Variants in DPYD observed in about 807,000 individuals in gnomAD.
The protein encoded by DPYD is dihydropyrimidine dehydrogenase.
In DPYD, 109 loss-of-function variants were observed where a neutral mutation model predicts 116.2. That is an observed-to-expected ratio of 0.94 (90% CI 0.80 to 1.10). The LOEUF is 1.10. Ranked by LOEUF, DPYD falls within the 50% of genes least tolerant of loss-of-function variation. DPYD has a pLI of 0.00. For missense variants in DPYD, 1,302 were observed against 1,254.5 expected (o/e 1.04, Z -0.57); for synonymous variants, 440 against 432.0 (o/e 1.02, Z -0.23).
intron 13 of DPYD, among the ~76,000 whole-genome samples, chr1:97,507,963 C>A (rs552706881): frequency 6.6e-6 from 1 of 151,952 alleles, no homozygotes; most frequent in Non-Finnish European, 1.5e-5. Context: ...GAAGAGCTGT[C>A]ATGTGGAATT....
intron 10 of DPYD, among the ~76,000 whole-genome samples, chr1:97,590,768 G>A (rs954792523): frequency 3.9e-5 from 6 of 152,096 alleles, no homozygotes; most frequent in Non-Finnish European, 7.4e-5. Context: ...CTGATCCTGT[G>A]CTTCTTGTAA....
intron 16 of DPYD, among the ~76,000 whole-genome samples, chr1:97,361,910 C>A (rs1395480803): frequency 6.6e-6 from 1 of 152,232 alleles, no homozygotes; most frequent in Non-Finnish European, 1.5e-5. Flanking sequence ...GGGATGCCCT[C>A]TCTCACCACT....
intron 13 of DPYD, among the ~76,000 whole-genome samples, chr1:97,497,919 A>C (rs1197538264): frequency 6.6e-6 from 1 of 151,836 alleles, no homozygotes; most frequent in Non-Finnish European, 1.5e-5. Context: ...AAGTAGAAAA[A>C]TACCCCATGA....
chr1:97,697,435 C>T (rs541821319), intron 6 of DPYD, among the ~76,000 whole-genome samples: 6 of 152,050 alleles, frequency 3.9e-5, no homozygotes, highest in Non-Finnish European at 8.8e-5. Context: ...GAGAGGCAGC[C>T]GTAAGTAGAA....
At chr1:97,318,021 A>G (rs1388433017) in intron 16 of DPYD, among the ~76,000 whole-genome samples, 1 of 150,618 alleles carries the variant, frequency 6.6e-6, no homozygotes, top group East Asian at 2.0e-4. Context: ...TTTATAGACA[A>G]GCAAATGCTG....
At chr1:97,407,637 A>C (rs1673740347) in intron 14 of DPYD, among the ~76,000 whole-genome samples, 1 of 152,126 alleles carries the variant, frequency 6.6e-6, no homozygotes, top group African/African-American at 2.4e-5. Context: ...GCTGGGGCAA[A>C]GTTCTCCAGA....
At position 97,232,546 on chromosome 1, in the gene DPYD, T is replaced by C. The variant is rs1269868538; in HGVS notation, c.2442+2306A>G. Among the ~76,000 whole-genome samples the C allele has an allele frequency of 2.6e-5, 4 of 152,174 alleles. No individual in the cohort carries two copies. In the South Asian group the frequency reaches 8.3e-4, roughly 31 times the overall value. On this transcript the variant is annotated intron_variant, in intron 19 of 22. Transcript: ENST00000370192. ...GACATTAGTGTTACATCTTTTGTTA[T>C]AGTCCCACAGTTCCCTGAGGGCTGT...
chr1:97,498,797 T>A (rs970343297), intron 13 of DPYD, among the ~76,000 whole-genome samples: 1 of 151,708 alleles, frequency 6.6e-6, no homozygotes, highest in Non-Finnish European at 1.5e-5. Context: ...ATATTTAACA[T>A]TTTTTGTGAT....
At position 97,899,916 on chromosome 1, in the gene DPYD, T is replaced by C. The variant is rs540967200; in HGVS notation, c.40-16542A>G. 3.2e-4 allele frequency among the ~76,000 whole-genome samples: 49 copies of C among 152,046 alleles called. No individual in the cohort carries two copies. In the South Asian group the frequency reaches 8.3e-3, roughly 26 times the overall value. ...GGATAGGCCTTGGGAATCAATCAGT[T>C]TAACAAATGTCTGTGGCAGACTTTG... On this transcript the variant is annotated intron_variant, in intron 1 of 22. Transcript: ENST00000370192.
At chr1:97,524,183 A>G (rs1296330891) in intron 12 of DPYD, among the ~76,000 whole-genome samples, 1 of 152,148 alleles carries the variant, frequency 6.6e-6, no homozygotes, top group Non-Finnish European at 1.5e-5. Flanking sequence ...GCAGGAATAT[A>G]GTCATTGGGG....
At chr1:97,387,887 T>C (rs2152878) in intron 14 of DPYD, among the ~76,000 whole-genome samples, 26,174 of 151,836 alleles carry the variant, frequency 0.17, 2,895 homozygotes, top group Non-Finnish European at 0.25. Context: ...CTGTGGGAGA[T>C]TGGGTTTTAT....
intron 3 of DPYD, among the ~76,000 whole-genome samples, chr1:97,779,744 T>A (rs1666628502): frequency 6.6e-6 from 1 of 152,058 alleles, no homozygotes; most frequent in African/African-American, 2.4e-5. Context: ...CCTGGTTGCA[T>A]CTTTTTTTTT....
intron 14 of DPYD, among the ~76,000 whole-genome samples, chr1:97,408,718 A>G (rs570610948): frequency 6.6e-6 from 1 of 152,242 alleles, no homozygotes; most frequent in Non-Finnish European, 1.5e-5. Flanking sequence ...GTGGACTGGT[A>G]GAGGCAGAGC....
chr1:97,215,442 G>A (rs75156255), intron 19 of DPYD, among the ~76,000 whole-genome samples: 3 of 152,062 alleles, frequency 2.0e-5, no homozygotes, highest in Non-Finnish European at 4.4e-5. Flanking sequence ...TATTATTTAT[G>A]ATTACAATAG....
intron 20 of DPYD, among the ~76,000 whole-genome samples, chr1:97,102,508 A>G (rs1279545404): frequency 1.8e-4 from 1 of 5,502 alleles, no homozygotes; most frequent in African/African-American, 7.3e-4. Flanking sequence ...CTTTATACCT[A>G]TTTCGTGTGT....
In DPYD at chr1:97,225,399, C is replaced by G. The variant is rs531643359; in HGVS notation, c.2442+9453G>C. Among the ~76,000 whole-genome samples, 232 of 151,946 alleles carry G rather than the reference C, an allele frequency of 1.5e-3. 1 individual carries two copies. The highest frequency in any genetic ancestry group is 5.2e-3 in the African/African-American group (214 of 41,490). On this transcript the variant is annotated intron_variant, in intron 19 of 22. Transcript: ENST00000370192. Reference sequence around the variant, plus strand: ...CTGTGCCATTTATGTCTCCTTTGGTCCATTATTTACTCAGGTTCTTTACTC... The same window carrying G: ...CTGTGCCATTTATGTCTCCTTTGGTGCATTATTTACTCAGGTTCTTTACTC...
At chr1:97,918,015 T>C (rs1440227497) in intron 1 of DPYD, among the ~76,000 whole-genome samples, 1 of 152,128 alleles carries the variant, frequency 6.6e-6, no homozygotes, top group Non-Finnish European at 1.5e-5. Context: ...CTAACCTTCT[T>C]TGAAACCATC....
intron 2 of DPYD, among the ~76,000 whole-genome samples, chr1:97,830,223 C>T (rs1669467995): frequency 6.6e-6 from 1 of 152,142 alleles, no homozygotes; most frequent in Non-Finnish European, 1.5e-5. Flanking sequence ...GTGTATCCTA[C>T]TGCAATTTTT....
At chr1:97,877,809 A>G (rs866731262) in intron 2 of DPYD, among the ~76,000 whole-genome samples, 87 of 151,996 alleles carry the variant, frequency 5.7e-4, no homozygotes, top group African/African-American at 1.6e-3. Context: ...ATGGAGGGAC[A>G]TATATTCTCC....
Sources: gnomAD v4.1 joint callset for allele counts (sites outside exome capture counted in the v4.1 genomes callset) on GRCh38, gnomAD v4.1.1 for gene constraint, MANE v1.5 for transcripts, NCBI Gene and HGNC (gene_info 2026-07-23, HGNC 2026-07-21) for gene names.